The following LRGUK variants were observed in gnomAD, a reference collection of about 807,000 sequenced individuals.
LRGUK encodes the protein leucine-rich repeat and guanylate kinase domain-containing protein.
LRGUK carries 65 observed loss-of-function variants against 76.0 expected under a neutral mutation model. That is an observed-to-expected ratio of 0.85 (90% CI 0.70 to 1.05). LRGUK has a LOEUF of 1.05. LRGUK is among the 50% of genes least tolerant of loss of function. The pLI, the probability that LRGUK is intolerant of heterozygous loss-of-function variation, is 0.00. For missense variants in LRGUK, 758 were observed against 732.8 expected, an observed-to-expected ratio of 1.03 and a Z score of -0.40; for synonymous variants, 268 against 265.6, an observed-to-expected ratio of 1.01 and a Z score of -0.09.
chr7:134,186,031 G>T lies in LRGUK; in HGVS notation c.1334+2178G>T, dbSNP rs561714067. The stretch of plus-strand genomic sequence containing the variant: ...ATGGAAGGACAAACTAGGGCAAAAG[G>T]GTATATGCTGTTTTGCTAATGCGTA... On this transcript the variant is annotated intron_variant, in intron 11 of 15. Transcript: ENST00000645682. 2.2e-4 allele frequency among the ~76,000 whole-genome samples: 33 copies of T among 152,262 alleles called. 1 individual carries two copies. Among genetic ancestry groups the T allele is most frequent in the African/African-American group, 7.7e-4 (32 of 41,540 alleles).
chr7:134,171,477 T>A (rs1799245283), intron 7 of LRGUK, among the ~76,000 whole-genome samples: 1 of 152,102 alleles, frequency 6.6e-6, no homozygotes, highest in South Asian at 2.1e-4. Context: ...TATTCACATA[T>A]ATAAGTTTTT....
intron 4 of LRGUK, among the ~76,000 whole-genome samples, chr7:134,144,920 G>A (rs1797908422): frequency 6.6e-6 from 1 of 152,116 alleles, no homozygotes; most frequent in Non-Finnish European, 1.5e-5. Context: ...TTCACCTTTT[G>A]CTGTTCCATT....
chr7:134,225,075 T>C (rs1391868136), intron 16 of LRGUK, among the ~76,000 whole-genome samples: 1 of 133,532 alleles, frequency 7.5e-6, no homozygotes, highest in Non-Finnish European at 1.6e-5. Flanking sequence ...AAAAAAGTGT[T>C]GGTCAAGGGC....
intron 11 of LRGUK, among the ~76,000 whole-genome samples, chr7:134,185,740 C>G (rs528341732): frequency 6.6e-6 from 1 of 152,096 alleles, no homozygotes; most frequent in Non-Finnish European, 1.5e-5. Flanking sequence ...AATGCTATTA[C>G]AAAAAAACTT....
At position 134,127,422 on chromosome 7, in the gene LRGUK, G is replaced by C. The variant is rs1344300951; in HGVS notation, c.55G>C (p.Gly19Arg). 6.2e-7 allele frequency: 1 copy of C among 1,613,930 alleles called. No individual in the cohort carries two copies. The highest frequency in any genetic ancestry group is 1.7e-5 in the Admixed American group (1 of 60,012). Residue 19 changes from glycine to arginine, a missense_variant, in exon 1 of 16, where the codon GGC becomes CGC. Physicochemically the swap from Gly to Arg is moderately radical, Grantham distance 125 (BLOSUM62 -2). Coordinates refer to ENST00000645682, the Ensembl canonical transcript of LRGUK. ...GACCAGAGCTGCCTCTCTCCTGAGA[G>C]GCTTGGGCAGATCCCGAACTGGAGC...
chr7:134,254,877 T>C (rs976470889), intron 18 of LRGUK, among the ~76,000 whole-genome samples: 4 of 152,168 alleles, frequency 2.6e-5, no homozygotes, highest in African/African-American at 9.7e-5. Flanking sequence ...AGAAAACTGT[T>C]GATAACTTAA....
At chr7:134,267,606 C>A (rs1411504030), downstream of LRGUK, among the ~76,000 whole-genome samples, 1 of 152,150 alleles carries the variant, frequency 6.6e-6, no homozygotes, top group Non-Finnish European at 1.5e-5. Flanking sequence ...AGGAGTTTCA[C>A]CTTTTGCTTG....
intron 16 of LRGUK, among the ~76,000 whole-genome samples, chr7:134,242,167 T>TTA (rs1275061508): frequency 6.6e-6 from 1 of 152,020 alleles, no homozygotes; most frequent in Non-Finnish European, 1.5e-5. Flanking sequence ...AGCAAACACA[T>TTA]TCAAAAGCTA....
At chr7:134,137,127 A>G in exon 2 of LRGUK, 2 of 1,605,864 alleles carry the variant, frequency 1.2e-6, no homozygotes, top group Non-Finnish European at 1.7e-6. Context: ...ATCTAACTTT[A>G]TCAGTGAGTA....
intron 6 of LRGUK, among the ~76,000 whole-genome samples, chr7:134,158,460 T>A (rs1279391578): frequency 2.0e-5 from 3 of 152,340 alleles, no homozygotes; most frequent in African/African-American, 7.2e-5. Flanking sequence ...ACTTTTAGTA[T>A]GTATTTAAAA....
At chr7:134,159,402 A>T (rs939002409) in intron 6 of LRGUK, among the ~76,000 whole-genome samples, 1 of 151,988 alleles carries the variant, frequency 6.6e-6, no homozygotes, top group Non-Finnish European at 1.5e-5. Context: ...GACATATACA[A>T]TATACTATTT....
At chr7:134,130,805 G>GA (rs1375392338) in intron 1 of LRGUK, among the ~76,000 whole-genome samples, 7 of 152,322 alleles carry the variant, frequency 4.6e-5, no homozygotes, top group Non-Finnish European at 8.8e-5. Flanking sequence ...ACTGCTGTTG[G>GA]AATCAAAGAT....
intron 12 of LRGUK, among the ~76,000 whole-genome samples, chr7:134,196,262 CACAG>C (rs896218679): frequency 2.6e-5 from 4 of 152,078 alleles, no homozygotes; most frequent in African/African-American, 4.8e-5. Context: ...AAGAAAAAAT[CACAG>C]ACAATTTTAA....
At chr7:134,203,397 G>C (rs1002073586) in intron 15 of LRGUK, among the ~76,000 whole-genome samples, 1 of 152,102 alleles carries the variant, frequency 6.6e-6, no homozygotes, top group African/African-American at 2.4e-5. Flanking sequence ...GCCCAAATAG[G>C]ATTTTGTTTA....
chr7:134,127,406 T>A (rs1797043507), exon 1 of LRGUK: 1 of 1,612,224 alleles, frequency 6.2e-7, no homozygotes, highest in Non-Finnish European at 8.5e-7. Flanking sequence ...GGACCAGAGC[T>A]GCCTCTCTCC....
chr7:134,146,848 A>G (rs1797990769), intron 4 of LRGUK, among the ~76,000 whole-genome samples: 1 of 152,226 alleles, frequency 6.6e-6, no homozygotes, highest in African/African-American at 2.4e-5. Flanking sequence ...AATAGTGCTT[A>G]TTATGTAATT....
At chr7:134,172,497 C>T (rs1332460905) in intron 7 of LRGUK, among the ~76,000 whole-genome samples, 1 of 151,994 alleles carries the variant, frequency 6.6e-6, no homozygotes, top group Non-Finnish European at 1.5e-5. Context: ...TAGTATAAAC[C>T]CCTTGAAGTG....
At chr7:134,216,872 T>A (rs1801447560) in intron 15 of LRGUK, among the ~76,000 whole-genome samples, 1 of 152,118 alleles carries the variant, frequency 6.6e-6, no homozygotes, top group African/African-American at 2.4e-5. Context: ...AAAAGGTTAT[T>A]CTTGAAGGAT....
intron 6 of LRGUK, among the ~76,000 whole-genome samples, chr7:134,161,764 C>A (rs1397571709): frequency 6.8e-6 from 1 of 147,858 alleles, no homozygotes; most frequent in Non-Finnish European, 1.5e-5. Flanking sequence ...GATCTGGGCT[C>A]ACTACAAGCT....
Sources: allele counts gnomAD v4.1 joint callset (sites outside exome capture counted in the v4.1 genomes callset), GRCh38; gene constraint gnomAD v4.1.1; transcripts MANE v1.5; gene names NCBI Gene and HGNC (gene_info 2026-07-23, HGNC 2026-07-21).